DOCK11: variants seen among roughly 807,000 people sequenced by gnomAD.
DOCK11 encodes dedicator of cytokinesis 11.
A neutral mutation model predicts 169.1 loss-of-function variants in DOCK11; 70 were observed. That is an observed-to-expected ratio of 0.41 (90% CI 0.34 to 0.51). The LOEUF (loss-of-function observed/expected upper bound fraction) is 0.51. DOCK11 is among the 20% of genes least tolerant of loss of function. The pLI, the probability that DOCK11 is intolerant of heterozygous loss-of-function variation, is 0.10. For synonymous variants in DOCK11, 529 were observed against 541.3 expected (o/e 0.98, Z 0.32); for missense variants, 1,166 against 1,538.8 (o/e 0.76, Z 4.05).
chrX:118,604,264 G>A (rs144013000), intron 23 of DOCK11, among the ~76,000 whole-genome samples: 1,564 of 111,680 alleles, frequency 0.014, 20 homozygotes, highest in Middle Eastern at 0.033. Context: ...ATTTGAGGAA[G>A]ATTAATTTAG....
At chrX:118,499,431 G>A (rs2147301585) in intron 1 of DOCK11, among the ~76,000 whole-genome samples, 1 of 111,654 alleles carries the variant, frequency 9.0e-6, no homozygotes, top group African/African-American at 3.3e-5. Context: ...CCCCTGGCTG[G>A]CATCAGCCAG....
Position 118,648,576 on chromosome X carries a change from T to C in DOCK11, c.4399-369T>C, listed in dbSNP as rs1031823028. ...ATAAATTATATATATTATATACATA[T>C]ATATAAATATATAATATATATAATA... On this transcript the variant is annotated intron_variant, in intron 40 of 52. Coordinates refer to ENST00000276202, the MANE Select transcript of DOCK11 (RefSeq NM_144658.4). 2.7e-4 allele frequency among the ~76,000 whole-genome samples: 25 copies of C among 91,477 alleles called. 1 individual carries two copies. Among genetic ancestry groups the C allele is most frequent in the African/African-American group, 9.6e-4 (24 of 24,927 alleles). The allele number at this position is 91,477 out of a possible 115,157, so 79.4% of individuals were successfully genotyped here. A position where few individuals can be genotyped will look rare whatever the true frequency, so the allele number is the denominator to read the frequency against.
At chrX:118,509,144 C>T (rs1471014944) in intron 1 of DOCK11, among the ~76,000 whole-genome samples, 3 of 112,093 alleles carry the variant, frequency 2.7e-5, no homozygotes, top group African/African-American at 6.5e-5. Context: ...TCTGGCTAAT[C>T]GCCCAGTTCC....
chrX:118,660,362 C>A (rs1235520367), intron 44 of DOCK11, among the ~76,000 whole-genome samples: 1 of 112,144 alleles, frequency 8.9e-6, no homozygotes, highest in Non-Finnish European at 1.9e-5. Flanking sequence ...TTTTTATGGT[C>A]CAGTACTTTG....
intron 6 of DOCK11, among the ~76,000 whole-genome samples, chrX:118,559,487 C>T (rs2012832148): frequency 9.0e-6 from 1 of 111,720 alleles, no homozygotes; most frequent in Non-Finnish European, 1.9e-5. Flanking sequence ...CTTTAAAAAG[C>T]AATGTGTTAT....
At chrX:118,661,298 C>A (rs1218150225) in intron 44 of DOCK11, among the ~76,000 whole-genome samples, 1 of 110,751 alleles carries the variant, frequency 9.0e-6, no homozygotes, top group Non-Finnish European at 1.9e-5. Context: ...GTTCCTACTT[C>A]TGTGTGTGGT....
chrX:118,649,425 A>G (rs2015894227), intron 41 of DOCK11, among the ~76,000 whole-genome samples: 1 of 112,718 alleles, frequency 8.9e-6, no homozygotes, highest in Non-Finnish European at 1.9e-5. Flanking sequence ...CTACTAGGTA[A>G]TTGATAATTA....
chrX:118,658,347 A>G (rs2081251094), intron 44 of DOCK11, among the ~76,000 whole-genome samples: 1 of 112,799 alleles, frequency 8.9e-6, no homozygotes, highest in Non-Finnish European at 1.9e-5. Flanking sequence ...AATACTACTC[A>G]TCAGTTGACA....
chrX:118,654,714 T>G lies in DOCK11; in HGVS notation c.4808T>G (p.Leu1603Arg). ...AAAGACCCTGAAATGCTAATTGATC[T>G]CCAGTATAGCTTAGCCAAGTCCTAT... ...HEKDPEMLID[L>R]QYSLAKSYAS... The change falls in exon 43 of 53, where the codon CTC (leucine) becomes CGC (arginine). Residue 1603 changes from leucine (L) to arginine (R), a missense_variant. Transcript: ENST00000276202. The G allele has an allele frequency of 8.3e-7, 1 of 1,211,829 alleles. No homozygotes were observed. The highest frequency in any genetic ancestry group is 1.1e-6 in the Non-Finnish European group (1 of 895,421).
At chrX:118,624,742 C>A (rs2096503532) in intron 32 of DOCK11, 87 bp downstream of exon 32, 3 of 436,859 alleles carry the variant, frequency 6.9e-6, no homozygotes, top group Non-Finnish European at 1.1e-5. Flanking sequence ...TGATCTCAAC[C>A]TTAAGAGTTC....
intron 7 of DOCK11, among the ~76,000 whole-genome samples, chrX:118,565,520 G>A (rs910912085): frequency 8.9e-6 from 1 of 112,062 alleles, no homozygotes; most frequent in Admixed American, 9.5e-5. Flanking sequence ...GATACTATGC[G>A]TGGTAAAATG....
chrX:118,630,539 A>G, intron 35 of DOCK11, 49 bp downstream of exon 35: 1 of 782,349 alleles, frequency 1.3e-6, no homozygotes, highest in Non-Finnish European at 1.9e-6. Context: ...ATACACCCTC[A>G]CAGGTTCACA....
intron 28 of DOCK11, among the ~76,000 whole-genome samples, chrX:118,612,956 G>A (rs1190064469): frequency 9.0e-6 from 1 of 111,510 alleles, no homozygotes; most frequent in Non-Finnish European, 1.9e-5. Context: ...GATGAAGTGA[G>A]GAAGAGACTC....
chrX:118,589,914 A>C (rs2013930867), intron 18 of DOCK11, among the ~76,000 whole-genome samples: 1 of 112,521 alleles, frequency 8.9e-6, no homozygotes, highest in Non-Finnish European at 1.9e-5. Context: ...GTTTGAGACA[A>C]GTATTTCCCT....
At chrX:118,635,608 G>A (rs2015366984) in intron 35 of DOCK11, among the ~76,000 whole-genome samples, 2 of 111,412 alleles carry the variant, frequency 1.8e-5, no homozygotes, top group African/African-American at 6.5e-5. Flanking sequence ...TTTTTTTTGA[G>A]ACGGAGTCTC....
chrX:118,615,805 C>T lies in DOCK11; in HGVS notation c.3292+94C>T, dbSNP rs191328670. 19 of 657,971 alleles carry T rather than the reference C, an allele frequency of 2.9e-5. No homozygotes were observed. The Admixed American group carries it at 6.4e-4, about 22-fold the overall frequency. 54.2% of individuals were successfully genotyped at this position (657,971 alleles called of 1,213,427 possible). ...AATGTTTTCTAGTTGAACCAGTCAA[C>T]TTGAAGGTAATTTCAGAATTGTTAC... On this transcript the variant is annotated intron_variant, in intron 30 of 52. Coordinates refer to ENST00000276202, the MANE Select transcript of DOCK11 (RefSeq NM_144658.4).
Position 118,566,182 on chromosome X carries a change from G to A in DOCK11, c.871G>A (p.Asp291Asn). The change falls in exon 8 of 53, where the codon GAT becomes AAT. Residue 291 changes from aspartate to asparagine, a missense_variant and splice_region_variant. Physicochemically the swap from Asp to Asn is conservative, Grantham distance 23. Transcript: ENST00000276202. ...EKKETVETAQ[D>N]DETSSQGKAE... ...AAAGGAGACGGTAGAAACAGCACAA[G>A]GTCAGAATTTTAAAGTGATTTATTA... 1 of 1,191,014 alleles carries A rather than the reference G, an allele frequency of 8.4e-7. No individual in the cohort carries two copies. Among genetic ancestry groups the A allele is most frequent in the Non-Finnish European group, 1.1e-6 (1 of 884,419 alleles).
At chrX:118,647,914 ATAT>A (rs1227965347) in intron 40 of DOCK11, among the ~76,000 whole-genome samples, 6 of 40,774 alleles carry the variant, frequency 1.5e-4, no homozygotes, top group East Asian at 6.5e-4. Context: ...ATATATTATA[ATAT>A]TATATATAAT....
Position 118,647,960 on chromosome X carries a change from TAA to T in DOCK11, c.4399-984_4399-983del, listed in dbSNP as rs1389933072. On this transcript the variant is annotated intron_variant, in intron 40 of 52. Transcript: ENST00000276202. The stretch of plus-strand genomic sequence containing the variant: ...ATATTTTATAATATATAATAATATA[TAA>T]TATATAATTATATATAATATATAAT... Among the ~76,000 whole-genome samples the T allele has an allele frequency of 2.0e-3, 95 of 47,519 alleles. 3 individuals carry two copies. In the South Asian group the frequency reaches 0.023, roughly 12 times the overall value. The allele number at this position is 47,519 out of a possible 115,157, so 41.3% of individuals were successfully genotyped here.
Sources: gnomAD v4.1 joint callset for allele counts (sites outside exome capture counted in the v4.1 genomes callset) on GRCh38, gnomAD v4.1.1 for gene constraint, MANE v1.5 for transcripts, NCBI Gene and HGNC (gene_info 2026-07-23, HGNC 2026-07-21) for gene names.